Variants in ANKDD1B observed in about 807,000 individuals in gnomAD.
ANKDD1B encodes the protein ankyrin repeat and death domain-containing protein 1B.
Under a neutral mutation model 59.7 loss-of-function variants are expected in ANKDD1B, and 57 were observed. The ratio of observed to expected loss-of-function variants is 0.95; its 90% confidence interval spans 0.77 to 1.19. The LOEUF is 1.19. Ranked by LOEUF, ANKDD1B falls within the 50% of genes most tolerant of loss-of-function variation. ANKDD1B has a pLI of 0.00. For missense variants in ANKDD1B, 602 were observed against 641.9 expected, an observed-to-expected ratio of 0.94 and a Z score of 0.67; for synonymous variants, 216 against 239.5, an observed-to-expected ratio of 0.90 and a Z score of 0.91.
chr5:75,649,468 C>G (rs1774766282), intron 7 of ANKDD1B, among the ~76,000 whole-genome samples: 1 of 151,960 alleles, frequency 6.6e-6, no homozygotes, highest in African/African-American at 2.4e-5. Context: ...TATCGTGGAA[C>G]CAATAATTTT....
At chr5:75,619,419 C>T (rs1374934724) in intron 2 of ANKDD1B, among the ~76,000 whole-genome samples, 1 of 152,194 alleles carries the variant, frequency 6.6e-6, no homozygotes, top group Non-Finnish European at 1.5e-5. Context: ...TCCCTAAATA[C>T]ACACATAGTT....
chr5:75,623,412 G>A (rs529682939), intron 3 of ANKDD1B, among the ~76,000 whole-genome samples: 7 of 152,176 alleles, frequency 4.6e-5, no homozygotes, highest in African/African-American at 9.6e-5. Context: ...AATATAGAGC[G>A]CTGACTTGTA....
rs577526657 is a variant in ANKDD1B at position 75,671,021 on chromosome 5, A to G, written c.1568A>G (p.Lys523Arg). The change falls in exon 14 of 14, where the codon AAG becomes AGG. Residue 523 changes from lysine (K) to arginine (R), a missense_variant. By Grantham distance (26) the Lys-to-Arg change is conservative. Around this residue, in one of 3 missense-constraint regions of ANKDD1B, gnomAD observed 280 missense variants for 319.8 expected, o/e 0.88. Coordinates refer to ENST00000601380, the MANE Select transcript of ANKDD1B (RefSeq NM_001276713.2). The stretch of plus-strand genomic sequence containing the variant: ...AAAAGCAAAACTGACTCAAACTCCA[A>G]GAAATGTGTAGTTTCATAAATGCCT... ...HFKSKTDSNS[K>R]KCVVS The G allele has an allele frequency of 5.5e-5, 67 of 1,228,672 alleles. No individual in the cohort carries two copies. The South Asian group carries it at 1.7e-3, about 31-fold the overall frequency. 76.1% of individuals were successfully genotyped at this position (1,228,672 alleles called of 1,614,324 possible).
chr5:75,639,448 C>T (rs1187935894), intron 7 of ANKDD1B, among the ~76,000 whole-genome samples: 6 of 152,270 alleles, frequency 3.9e-5, no homozygotes, highest in Admixed American at 1.3e-4. Flanking sequence ...CCACCCACCT[C>T]GGTCTCCCAA....
chr5:75,649,915 C>T (rs1020237038), intron 7 of ANKDD1B, among the ~76,000 whole-genome samples: 5 of 152,148 alleles, frequency 3.3e-5, no homozygotes, highest in African/African-American at 1.2e-4. Context: ...TCTGAGATCT[C>T]GTCAGTGTTG....
chr5:75,611,666 G>C lies in ANKDD1B; in HGVS notation c.32G>C (p.Gly11Ala). The change falls in exon 1 of 14, where the codon GGG becomes GCG. Residue 11 changes from glycine to alanine, a missense_variant. By Grantham distance (60) the Gly-to-Ala change is moderately conservative (BLOSUM62 0). Around this residue, in one of 3 missense-constraint regions of ANKDD1B, gnomAD observed 317 missense variants for 304.6 expected, o/e 1.04. Coordinates refer to ENST00000601380, the MANE Select transcript of ANKDD1B (RefSeq NM_001276713.2). MDPAGRARGQ[G>A]ATAGGLLLRA... ...CCCGCCGGGCGCGCCCGGGGCCAAG[G>C]GGCCACGGCAGGGGGGCTGCTGCTC... 8.1e-7 allele frequency: 1 copy of C among 1,231,590 alleles called. No individual in the cohort carries two copies. The highest frequency in any genetic ancestry group is 1.0e-6 in the Non-Finnish European group (1 of 987,958). 76.3% of individuals were successfully genotyped at this position (1,231,590 alleles called of 1,614,324 possible).
intron 3 of ANKDD1B, among the ~76,000 whole-genome samples, chr5:75,620,755 T>G (rs1184770670): frequency 6.6e-6 from 1 of 152,184 alleles, no homozygotes; most frequent in East Asian, 1.9e-4. Flanking sequence ...AAATATTGAC[T>G]TTGCTCTATG....
chr5:75,648,496 T>A (rs1197082517), intron 7 of ANKDD1B, among the ~76,000 whole-genome samples: 1 of 152,154 alleles, frequency 6.6e-6, no homozygotes, highest in Non-Finnish European at 1.5e-5. Flanking sequence ...TTAAGTATTT[T>A]GCTTTGTAGT....
At chr5:75,623,526 A>C (rs1420053451) in intron 3 of ANKDD1B, among the ~76,000 whole-genome samples, 1 of 152,254 alleles carries the variant, frequency 6.6e-6, no homozygotes, top group East Asian at 1.9e-4. Flanking sequence ...CAAAGAGTCC[A>C]GAAATGAAGA....
intron 10 of ANKDD1B, 71 bp from the exon 11 acceptor site, chr5:75,663,323 C>G: frequency 8.6e-7 from 1 of 1,160,760 alleles, no homozygotes; most frequent in Non-Finnish European, 1.2e-6. Context: ...ACCGAGGCCC[C>G]CTTGTTCCAA....
intron 5 of ANKDD1B, among the ~76,000 whole-genome samples, chr5:75,632,714 C>T (rs1484259302): frequency 6.6e-6 from 1 of 152,230 alleles, no homozygotes; most frequent in Non-Finnish European, 1.5e-5. Context: ...TTTCTCACCA[C>T]CCGCCTTTCC....
At chr5:75,623,441 G>C (rs751321105) in intron 3 of ANKDD1B, among the ~76,000 whole-genome samples, 1 of 152,056 alleles carries the variant, frequency 6.6e-6, no homozygotes, top group Non-Finnish European at 1.5e-5. Context: ...CAAATTAAGA[G>C]GTGGAATTGT....
chr5:75,624,272 G>A (rs1773930375), intron 3 of ANKDD1B, among the ~76,000 whole-genome samples: 1 of 152,206 alleles, frequency 6.6e-6, no homozygotes, highest in Admixed American at 6.5e-5. Flanking sequence ...GTGATAGAAA[G>A]TGACCAGAAT....
rs369096330 is a variant in ANKDD1B, at chr5:75,650,671, G to A, written c.799-2471G>A. On this transcript the variant is annotated intron_variant, in intron 7 of 13. Transcript: ENST00000601380. ...ATATCCAAGGTCATATAGGCATTTA[G>A]CATCATGCAAGCTAGATTTCAGTTG... is the stretch of plus-strand genomic sequence containing the variant. Among the ~76,000 whole-genome samples the A allele has an allele frequency of 1.2e-4, 19 of 152,176 alleles. 1 individual carries two copies. In the East Asian group the frequency reaches 1.9e-3, roughly 15 times the overall value.
intron 5 of ANKDD1B, among the ~76,000 whole-genome samples, chr5:75,631,753 G>A (rs187513925): frequency 2.6e-5 from 4 of 152,246 alleles, no homozygotes; most frequent in Admixed American, 2.0e-4. Flanking sequence ...GAGAAGACTG[G>A]TGCCAGATGT....
chr5:75,654,305 G>A (rs1345635002), intron 8 of ANKDD1B, among the ~76,000 whole-genome samples: 2 of 152,280 alleles, frequency 1.3e-5, no homozygotes, highest in East Asian at 3.9e-4. Flanking sequence ...GAGTCAGAAA[G>A]GTCTGGGTTC....
Position 75,653,192 on chromosome 5 carries a change from T to A in ANKDD1B, c.849T>A (p.Leu283=). ...QIATRNGHAS[L]VNFLLSENVD... is the part of the protein sequence containing the mutation. ...CAACCAGGAACGGCCATGCATCCCT[T>A]GTCAACTTTCTTCTCAGTGAGAACG... The change falls in exon 8 of 14, where the codon CTT becomes CTA. Residue 283 remains leucine (L), a synonymous_variant. Coordinates refer to ENST00000601380, the MANE Select transcript of ANKDD1B (RefSeq NM_001276713.2). The A allele has an allele frequency of 6.5e-7, 1 of 1,536,130 alleles. No homozygotes were observed. Among genetic ancestry groups the A allele is most frequent in the East Asian group, 2.4e-5 (1 of 40,926 alleles).
intron 8 of ANKDD1B, 97 bp from the exon 9 acceptor site, chr5:75,655,932 G>GAGAT: frequency 1.6e-6 from 1 of 620,638 alleles, no homozygotes; most frequent in Non-Finnish European, 2.8e-6. Context: ...CGGTACTTGG[G>GAGAT]AGATCATCAG....
intron 7 of ANKDD1B, among the ~76,000 whole-genome samples, chr5:75,648,310 A>G (rs1375655957): frequency 6.6e-6 from 1 of 150,564 alleles, no homozygotes; most frequent in Non-Finnish European, 1.5e-5. Context: ...TGAAATATTC[A>G]GAATGTGGAG....
Sources: allele counts gnomAD v4.1 joint callset (sites outside exome capture counted in the v4.1 genomes callset), GRCh38; gene constraint gnomAD v4.1.1; regional missense constraint gnomAD v4.1.1; transcripts MANE v1.5; gene names NCBI Gene and HGNC (gene_info 2026-07-23, HGNC 2026-07-21).